GNB1L: variants seen among roughly 807,000 people sequenced by gnomAD.
GNB1L encodes G protein subunit beta 1 like.
A neutral mutation model predicts 29.1 loss-of-function variants in GNB1L; 20 were observed. That is an observed-to-expected ratio of 0.69 (90% confidence interval 0.48 to 1.00). GNB1L has a LOEUF of 1.00. GNB1L is among the 50% of genes least tolerant of loss of function. The pLI is 0.00. For synonymous variants in GNB1L, 193 were observed against 206.5 expected (o/e 0.93, Z 0.56); for missense variants, 421 against 464.9 (o/e 0.91, Z 0.87).
chr22:19,839,323 T>C (rs1490408753), intron 2 of GNB1L, among the ~76,000 whole-genome samples: 3 of 152,172 alleles, frequency 2.0e-5, no homozygotes, highest in South Asian at 2.1e-4. Flanking sequence ...TGAATGATGA[T>C]GATGAAAAGT....
rs1202304941 is a variant in GNB1L, at chr22:19,788,389, G to C, written c.*320C>G. ...TAAGTGGGGGACCAGGGCCTCCTCA[G>C]GGAGCTCCCACCTCAAGCCTGCAAC... On this transcript the variant is annotated 3_prime_UTR_variant, in exon 8 of 8. Transcript: ENST00000329517. 1.7e-6 allele frequency: 1 copy of C among 588,380 alleles called. No homozygotes were observed. Among genetic ancestry groups the C allele is most frequent in the African/African-American group, 1.9e-5 (1 of 53,660 alleles). 36.4% of individuals were successfully genotyped at this position (588,380 alleles called of 1,614,324 possible). A position where few individuals can be genotyped will look rare whatever the true frequency, so the allele number is the denominator to read the frequency against.
intron 7 of GNB1L, among the ~76,000 whole-genome samples, chr22:19,801,084 C>T (rs1937365192): frequency 1.3e-5 from 2 of 152,234 alleles, no homozygotes; most frequent in African/African-American, 4.8e-5. Flanking sequence ...AAGGGCAGCC[C>T]CGGGCCCTGT....
At chr22:19,835,896 A>G (rs931334519) in intron 2 of GNB1L, among the ~76,000 whole-genome samples, 2 of 152,328 alleles carry the variant, frequency 1.3e-5, no homozygotes, top group South Asian at 4.1e-4. Context: ...CAAAACGTGT[A>G]GGATGCAGCT....
chr22:19,839,081 G>C (rs1937813940), intron 2 of GNB1L, among the ~76,000 whole-genome samples: 1 of 152,172 alleles, frequency 6.6e-6, no homozygotes, highest in African/African-American at 2.4e-5. Context: ...TCCTGGAAAA[G>C]GCAAAAGTAT....
intron 2 of GNB1L, among the ~76,000 whole-genome samples, chr22:19,838,102 T>A (rs1182499230): frequency 6.6e-6 from 1 of 152,252 alleles, no homozygotes; most frequent in Non-Finnish European, 1.5e-5. Flanking sequence ...ATATGTGCAG[T>A]TTATTGCATA....
At chr22:19,799,928 C>T (rs1937350551) in intron 7 of GNB1L, among the ~76,000 whole-genome samples, 1 of 152,244 alleles carries the variant, frequency 6.6e-6, no homozygotes, top group Admixed American at 6.5e-5. Context: ...GCCTCTCCGG[C>T]TCCCTGTCCC....
rs1351706345 is a variant in GNB1L, at chr22:19,854,826, G to A, written c.-124C>T. On this transcript the variant is annotated 5_prime_UTR_variant, in exon 1 of 8. Coordinates refer to ENST00000329517, the MANE Select transcript of GNB1L (RefSeq NM_053004.3). ...CTCCCGCCTCCACACTGACCCTCTT[G>A]CCGGAGTCGGGAACGCCTGCTCCTA... is the stretch of plus-strand genomic sequence containing the variant. The A allele has an allele frequency of 6.6e-6, 1 of 152,302 alleles. No individual in the cohort carries two copies. Among genetic ancestry groups the A allele is most frequent in the African/African-American group, 2.4e-5 (1 of 41,466 alleles). The allele number at this position is 152,302 out of a possible 1,614,324, so 9.4% of individuals were successfully genotyped here.
chr22:19,793,278 C>T (rs541475783), intron 7 of GNB1L, among the ~76,000 whole-genome samples: 1 of 152,152 alleles, frequency 6.6e-6, no homozygotes, highest in South Asian at 2.1e-4. Context: ...AAATATAGAA[C>T]TGGAAAGCTC....
intron 2 of GNB1L, among the ~76,000 whole-genome samples, chr22:19,822,362 G>T (rs1937586365): frequency 1.3e-5 from 2 of 152,224 alleles, no homozygotes; most frequent in South Asian, 4.1e-4. Context: ...AAGACTGCCG[G>T]GCCACCACCC....
chr22:19,805,903 C>G (rs1937428424), intron 6 of GNB1L, among the ~76,000 whole-genome samples: 1 of 152,232 alleles, frequency 6.6e-6, no homozygotes, highest in Non-Finnish European at 1.5e-5. Flanking sequence ...CTGAGGGGCT[C>G]TTTGCAAGTG....
At chr22:19,810,363 G>T (rs999600450) in intron 5 of GNB1L, among the ~76,000 whole-genome samples, 4 of 152,338 alleles carry the variant, frequency 2.6e-5, no homozygotes, top group Middle Eastern at 3.4e-3. Context: ...GCAGGCCAGT[G>T]AGGGCAGGGG....
chr22:19,784,620 G>C lies in GNB1L; in HGVS notation c.*4089C>G, dbSNP rs1937175348. ...CTGGCCGAACCTACCTTGTAAAGTG[G>C]GGCTGCACAGAGGTCAGCACATGGT... is the stretch of plus-strand genomic sequence containing the variant. On this transcript the variant is annotated 3_prime_UTR_variant, in exon 8 of 8. Transcript: ENST00000329517. 6.6e-6 allele frequency: 1 copy of C among 152,298 alleles called. No homozygotes were observed. Among genetic ancestry groups the C allele is most frequent in the African/African-American group, 2.4e-5 (1 of 41,444 alleles). 9.4% of individuals were successfully genotyped at this position (152,298 alleles called of 1,614,324 possible).
Position 19,816,888 on chromosome 22 carries a change from C to A in GNB1L, c.254+3710G>T, listed in dbSNP as rs752367585. ...CCAGGCTGCCGCTGCCACACCACCC[C>A]CCCAACCCTGCTTCTTTGACTGCCT... On this transcript the variant is annotated intron_variant, in intron 4 of 7. Transcript: ENST00000329517. This position sits in a 1 kb window ranked among gnomAD's most constrained non-coding sequence, Gnocchi z 4.4. 1.3e-5 allele frequency among the ~76,000 whole-genome samples: 2 copies of A among 152,224 alleles called. No homozygotes were observed. Among genetic ancestry groups the A allele is most frequent in the Non-Finnish European group, 2.9e-5 (2 of 68,044 alleles).
At chr22:19,824,850 C>T (rs553560221) in intron 2 of GNB1L, among the ~76,000 whole-genome samples, 50 of 152,358 alleles carry the variant, frequency 3.3e-4, no homozygotes, top group African/African-American at 1.2e-3. Flanking sequence ...TGGCTGGAGC[C>T]CAAACACCAC....
intron 2 of GNB1L, chr22:19,846,699 A>G: frequency 2.5e-6 from 1 of 404,840 alleles, no homozygotes; most frequent in Non-Finnish European, 3.3e-6. Context: ...GTGGGCCCTG[A>G]TCCAATAGAC....
chr22:19,799,283 A>G (rs1043740974), intron 7 of GNB1L, among the ~76,000 whole-genome samples: 1 of 152,176 alleles, frequency 6.6e-6, no homozygotes, highest in Admixed American at 6.5e-5. Context: ...CCTGCGTACC[A>G]CCTGTATCTG....
At chr22:19,841,218 T>C (rs1005027472) in intron 2 of GNB1L, among the ~76,000 whole-genome samples, 1 of 152,210 alleles carries the variant, frequency 6.6e-6, no homozygotes, top group South Asian at 2.1e-4. Flanking sequence ...AATGCGTCCG[T>C]GCACAAGGTT....
chr22:19,788,890 AGGATCTTGCGATCTGGCC>A lies in GNB1L; in HGVS notation c.785_802del (p.Arg262_Ile267del). 2 of 1,612,900 alleles carry A rather than the reference AGGATCTTGCGATCTGGCC, an allele frequency of 1.2e-6. No individual in the cohort carries two copies. The highest frequency in any genetic ancestry group is 1.7e-6 in the Non-Finnish European group (2 of 1,179,902). ...GCGGTGGTCCCAGCCTGCGGTGGCC[AGGATCTTGCGATCTGGCC>A]GGATCGTGACCTCGGCGATCCCGGG... On this transcript the variant is annotated inframe_deletion, in exon 8 of 8. Transcript: ENST00000329517.
rs78463600 is a variant in GNB1L at position 19,787,257 on chromosome 22, C to T, written c.*1452G>A. On this transcript the variant is annotated 3_prime_UTR_variant, in exon 8 of 8. Coordinates refer to ENST00000329517, the MANE Select transcript of GNB1L (RefSeq NM_053004.3). The stretch of plus-strand genomic sequence containing the variant: ...GGAAGCCCTCCTCGGCTGTACCCCA[C>T]GGCGGCTGGCCATGTCCACTTCACT... The T allele has an allele frequency of 2.4e-3, 369 of 152,680 alleles. 10 individuals carry two copies. In the South Asian group the frequency reaches 0.058, roughly 24 times the overall value. The allele number at this position is 152,680 out of a possible 1,614,324, so 9.5% of individuals were successfully genotyped here.
Sources: gnomAD v4.1 joint callset for allele counts (sites outside exome capture counted in the v4.1 genomes callset) on GRCh38, gnomAD v4.1.1 for gene constraint, Gnocchi (gnomAD v3.1) non-coding constraint, MANE v1.5 for transcripts, NCBI Gene and HGNC (gene_info 2026-07-23, HGNC 2026-07-21) for gene names.